Variants in UNC13C observed in about 807,000 individuals in gnomAD.
UNC13C encodes protein unc-13 homolog C.
UNC13C carries 174 observed loss-of-function variants against 245.4 expected under a neutral mutation model. The ratio of observed to expected loss-of-function variants is 0.71; its 90% CI spans 0.63 to 0.80. The LOEUF (loss-of-function observed/expected upper bound fraction) is 0.80, where lower values mean the gene tolerates loss of function less well. Ranked by LOEUF, UNC13C falls within the 30% of genes least tolerant of loss-of-function variation. The pLI is 0.00. For synonymous variants in UNC13C, 992 were observed against 895.1 expected, an observed-to-expected ratio of 1.11 and a Z score of -1.93; for missense variants, 2,829 against 2,602.9, an observed-to-expected ratio of 1.09 and a Z score of -1.89.
chr15:54,184,862 G>A (rs1029315700), intron 4 of UNC13C, among the ~76,000 whole-genome samples: 2 of 152,134 alleles, frequency 1.3e-5, no homozygotes, highest in African/African-American at 4.8e-5. Context: ...CACAATGGTT[G>A]AACTAGTTTA....
chr15:54,428,390 A>G (rs1450513821), intron 19 of UNC13C, among the ~76,000 whole-genome samples: 1 of 151,486 alleles, frequency 6.6e-6, no homozygotes, highest in Non-Finnish European at 1.5e-5. Flanking sequence ...GTCCTTCCCC[A>G]ATCACATCAT....
At chr15:54,461,314 G>C (rs1035969652) in intron 19 of UNC13C, among the ~76,000 whole-genome samples, 1 of 152,216 alleles carries the variant, frequency 6.6e-6, no homozygotes, top group East Asian at 1.9e-4. Context: ...TGGATTTTCA[G>C]ATTAGGGATG....
At chr15:54,555,284 A>G (rs1897040437) in intron 28 of UNC13C, 148 bp from the exon 29 acceptor site, 4 of 630,380 alleles carry the variant, frequency 6.3e-6, no homozygotes, top group African/African-American at 1.9e-5. Context: ...AAAATATATG[A>G]CAATCATTTT....
intron 2 of UNC13C, among the ~76,000 whole-genome samples, chr15:54,076,713 C>G (rs557943650): frequency 1.3e-5 from 2 of 152,208 alleles, no homozygotes; most frequent in Middle Eastern, 3.4e-3. Flanking sequence ...CATTACCCAC[C>G]ACCCAACACA....
intron 32 of UNC13C, among the ~76,000 whole-genome samples, chr15:54,625,162 G>T (rs1036324882): frequency 9.2e-5 from 14 of 152,186 alleles, no homozygotes; most frequent in Admixed American, 8.5e-4. Flanking sequence ...ACAGCCTACT[G>T]GAGGCAGCCC....
intron 19 of UNC13C, among the ~76,000 whole-genome samples, chr15:54,457,409 ACTT>A (rs897373867): frequency 4.0e-4 from 61 of 151,842 alleles, no homozygotes; most frequent in African/African-American, 1.5e-3. Context: ...GTTAGGGAGG[ACTT>A]CTTCTTTCTC....
At chr15:54,021,781 G>T (rs1195820838) in intron 2 of UNC13C, among the ~76,000 whole-genome samples, 1 of 152,188 alleles carries the variant, frequency 6.6e-6, no homozygotes, top group Non-Finnish European at 1.5e-5. Context: ...GGTCCCAAAA[G>T]ATTATAATAC....
At chr15:54,533,291 A>C (rs1482254517) in intron 26 of UNC13C, among the ~76,000 whole-genome samples, 4 of 152,214 alleles carry the variant, frequency 2.6e-5, no homozygotes, top group Admixed American at 1.3e-4. Flanking sequence ...AAAGGAAAGA[A>C]AGAGGGGAAA....
At chr15:53,896,832 C>T in the UNC13C span, among the ~76,000 whole-genome samples, 74 of 152,140 alleles carry the variant, frequency 4.9e-4, no homozygotes, top group Non-Finnish European at 8.2e-4. Context: ...TTAAAAACCA[C>T]ACCCTAAGGT....
chr15:54,578,429 G>C (rs781126979), intron 30 of UNC13C, among the ~76,000 whole-genome samples: 3 of 152,098 alleles, frequency 2.0e-5, no homozygotes, highest in Non-Finnish European at 4.4e-5. Context: ...CTTATTCCAA[G>C]GTTATGCTGA....
At chr15:54,592,597 C>T (rs932287931) in intron 30 of UNC13C, among the ~76,000 whole-genome samples, 3 of 152,076 alleles carry the variant, frequency 2.0e-5, no homozygotes, top group Non-Finnish European at 4.4e-5. Flanking sequence ...TTTGTTTTGT[C>T]GGATATAAGA....
chr15:54,525,779 T>A (rs1895424374), intron 25 of UNC13C, 142 bp downstream of exon 25: 1 of 710,920 alleles, frequency 1.4e-6, no homozygotes, highest in South Asian at 1.8e-5. Flanking sequence ...CTCTGAAACA[T>A]CTGTTATGAC....
chr15:54,461,465 T>C (rs1555468526), intron 19 of UNC13C, among the ~76,000 whole-genome samples: 1 of 152,234 alleles, frequency 6.6e-6, no homozygotes, highest in Non-Finnish European at 1.5e-5. Context: ...AGCTTAAATG[T>C]CATCTAGCAA....
intron 8 of UNC13C, among the ~76,000 whole-genome samples, chr15:54,255,046 T>G (rs1001212065): frequency 1.8e-4 from 27 of 152,136 alleles, no homozygotes; most frequent in African/African-American, 6.0e-4. Context: ...GTGCCCCGCT[T>G]CTCAGACTTC....
chr15:54,401,328 C>T (rs954015843), intron 18 of UNC13C, among the ~76,000 whole-genome samples: 2 of 151,994 alleles, frequency 1.3e-5, no homozygotes, highest in Admixed American at 6.6e-5. Context: ...GAGATATATA[C>T]GAAATTAATC....
rs538450342 is a variant in UNC13C at position 54,366,640 on chromosome 15, G to A, written c.4714-26408G>A. On this transcript the variant is annotated intron_variant, in intron 17 of 32. Transcript: ENST00000260323. ...GAAAATAATTAACTCTTTGACCCAGGATATTAACAGTAATTGAGAAAATCA... is the reference window on the plus strand; with the variant it reads ...GAAAATAATTAACTCTTTGACCCAGAATATTAACAGTAATTGAGAAAATCA... 9.2e-5 allele frequency among the ~76,000 whole-genome samples: 14 copies of A among 152,110 alleles called. No homozygotes were observed. In the South Asian group the frequency reaches 2.9e-3, roughly 32 times the overall value.
chr15:54,592,873 T>G (rs1440155007), intron 30 of UNC13C, among the ~76,000 whole-genome samples: 1 of 151,820 alleles, frequency 6.6e-6, no homozygotes, highest in Non-Finnish European at 1.5e-5. Flanking sequence ...GTTTTTTTTT[T>G]TTTTTTACTT....
intron 19 of UNC13C, among the ~76,000 whole-genome samples, chr15:54,481,681 G>T (rs1211332839): frequency 6.6e-6 from 1 of 152,056 alleles, no homozygotes; most frequent in Non-Finnish European, 1.5e-5. Flanking sequence ...CTGTCTTTGG[G>T]TCCCTGGATG....
intron 28 of UNC13C, among the ~76,000 whole-genome samples, chr15:54,553,395 T>G (rs1275240650): frequency 7.7e-6 from 1 of 129,620 alleles, no homozygotes; most frequent in East Asian, 2.2e-4. Flanking sequence ...TATTAGTATA[T>G]TATATTATAT....
Sources: gnomAD v4.1 joint callset for allele counts (sites outside exome capture counted in the v4.1 genomes callset) on GRCh38, gnomAD v4.1.1 for gene constraint, MANE v1.5 for transcripts, NCBI Gene and HGNC (gene_info 2026-07-23, HGNC 2026-07-21) for gene names.